Variants in ASAP1 observed in about 807,000 individuals in gnomAD.
ASAP1 encodes arf-GAP with SH3 domain, ANK repeat and PH domain-containing protein 1.
Under a neutral mutation model 145.2 loss-of-function variants are expected in ASAP1, and 43 were observed. The observed-to-expected ratio is 0.30, with a 90% CI of 0.23 to 0.38. ASAP1 has a LOEUF of 0.38. ASAP1 is among the 10% of genes least tolerant of loss of function. The pLI, the probability that ASAP1 is intolerant of heterozygous loss-of-function variation, is 1.00. For missense variants in ASAP1, 1,018 were observed against 1,355.3 expected (o/e 0.75, Z 3.91); for synonymous variants, 546 against 515.5 (o/e 1.06, Z -0.80).
intron 11 of ASAP1, among the ~76,000 whole-genome samples, chr8:130,166,983 C>T (rs946274401): frequency 6.6e-6 from 1 of 152,160 alleles, no homozygotes; most frequent in Admixed American, 6.5e-5. Flanking sequence ...TCCTGAAGTG[C>T]ATGTCCTCAA....
intron 2 of ASAP1, among the ~76,000 whole-genome samples, chr8:130,376,818 G>A (rs983790123): frequency 5.7e-5 from 8 of 140,758 alleles, no homozygotes; most frequent in Non-Finnish European, 9.1e-5. Flanking sequence ...CAGGAGAATC[G>A]TTTGAAGCCG....
At chr8:130,202,019 G>C (rs985364079) in intron 5 of ASAP1, among the ~76,000 whole-genome samples, 19 of 152,148 alleles carry the variant, frequency 1.2e-4, no homozygotes, top group Non-Finnish European at 2.2e-4. Context: ...TCTCATAGTA[G>C]ACATTATTGT....
intron 4 of ASAP1, among the ~76,000 whole-genome samples, chr8:130,234,516 A>G (rs572040701): frequency 6.6e-6 from 1 of 152,268 alleles, no homozygotes; most frequent in African/African-American, 2.4e-5. Context: ...ACATCCATAC[A>G]GGAACAATCT....
At chr8:130,428,429 A>ACCACTG (rs1830009973) in intron 1 of ASAP1, among the ~76,000 whole-genome samples, 1 of 139,904 alleles carries the variant, frequency 7.1e-6, no homozygotes, top group Admixed American at 7.2e-5. Context: ...CACCATCATC[A>ACCACTG]TCATCACCAC....
intron 4 of ASAP1, among the ~76,000 whole-genome samples, chr8:130,231,038 CA>C: frequency 6.6e-6 from 1 of 152,244 alleles, no homozygotes; most frequent in East Asian, 1.9e-4. Flanking sequence ...TGTTTGGTTA[CA>C]AAAACATTTG....
chr8:130,422,851 C>T (rs1829775365), intron 1 of ASAP1, among the ~76,000 whole-genome samples: 1 of 152,220 alleles, frequency 6.6e-6, no homozygotes, highest in Non-Finnish European at 1.5e-5. Flanking sequence ...CAGTTTCCTC[C>T]ACTGCTGCCT....
chr8:130,307,686 G>T (rs188777498), intron 3 of ASAP1, among the ~76,000 whole-genome samples: 119 of 152,314 alleles, frequency 7.8e-4, no homozygotes, highest in Non-Finnish European at 1.4e-3. Context: ...GCTTGGTGAG[G>T]TAGGAGTAAC....
At chr8:130,379,237 C>G (rs1827650150) in intron 2 of ASAP1, among the ~76,000 whole-genome samples, 3 of 152,170 alleles carry the variant, frequency 2.0e-5, no homozygotes, top group Non-Finnish European at 4.4e-5. Context: ...GACTGTACCA[C>G]CGCCCCCTCC....
chr8:130,296,893 T>C (rs942641798), intron 3 of ASAP1, among the ~76,000 whole-genome samples: 3 of 152,202 alleles, frequency 2.0e-5, no homozygotes, highest in Non-Finnish European at 2.9e-5. Context: ...GGGGTTCTTA[T>C]TTACTTTTTC....
intron 27 of ASAP1, among the ~76,000 whole-genome samples, chr8:130,069,913 C>A (rs866880003): frequency 6.6e-6 from 1 of 152,080 alleles, no homozygotes; most frequent in Non-Finnish European, 1.5e-5. Flanking sequence ...AAGCTTTTTG[C>A]GCAAGAGAGA....
chr8:130,420,727 C>G (rs553516694), intron 1 of ASAP1, among the ~76,000 whole-genome samples: 24 of 152,102 alleles, frequency 1.6e-4, no homozygotes, highest in Middle Eastern at 3.4e-3. Flanking sequence ...AACCCCATCT[C>G]TACTAAAAAT....
At chr8:130,168,229 A>C (rs532740495) in intron 10 of ASAP1, among the ~76,000 whole-genome samples, 11 of 152,326 alleles carry the variant, frequency 7.2e-5, no homozygotes, top group Non-Finnish European at 2.9e-5. Flanking sequence ...ATACGCTTTT[A>C]TTTACCCCCA....
chr8:130,299,924 C>T (rs1296011169), intron 3 of ASAP1, among the ~76,000 whole-genome samples: 5 of 151,958 alleles, frequency 3.3e-5, no homozygotes, highest in Non-Finnish European at 5.9e-5. Flanking sequence ...TACAAATCTT[C>T]GTGGTGGACT....
intron 20 of ASAP1, 148 bp from the exon 21 acceptor site, chr8:130,117,143 T>G: frequency 1.7e-6 from 1 of 596,586 alleles, no homozygotes. Context: ...TAACCTAGAT[T>G]TATAAGCAAT....
intron 15 of ASAP1, among the ~76,000 whole-genome samples, chr8:130,129,349 A>T (rs1218829579): frequency 6.6e-6 from 1 of 152,254 alleles, no homozygotes; most frequent in Non-Finnish European, 1.5e-5. Context: ...TTTCACAAAT[A>T]CGTCAATAGT....
intron 3 of ASAP1, among the ~76,000 whole-genome samples, chr8:130,298,745 C>G (rs947040606): frequency 2.6e-5 from 4 of 152,208 alleles, no homozygotes; most frequent in Non-Finnish European, 5.9e-5. Flanking sequence ...CCTCTGATCT[C>G]AGTTGAGGTG....
chr8:130,431,958 G>C (rs1262696974), intron 1 of ASAP1, among the ~76,000 whole-genome samples: 1 of 128,554 alleles, frequency 7.8e-6, no homozygotes, highest in Non-Finnish European at 1.7e-5. Context: ...GGAGGAAGGA[G>C]GAGGAGGGGG....
chr8:130,443,394 GGC>G, intron 1 of ASAP1, 64 bp downstream of exon 1: 1 of 151,114 alleles, frequency 6.6e-6, no homozygotes, highest in Non-Finnish European at 1.5e-5. Context: ...CTGGGCAGGG[GGC>G]GCCCGCGACT....
chr8:130,195,162 T>A (rs1405022065), intron 5 of ASAP1: 2 of 152,184 alleles, frequency 1.3e-5, no homozygotes, highest in Non-Finnish European at 2.9e-5. Flanking sequence ...GTTCTTTACA[T>A]GATTCAAGTC....
Sources: gnomAD v4.1 joint callset for allele counts (sites outside exome capture counted in the v4.1 genomes callset) on GRCh38, gnomAD v4.1.1 for gene constraint, MANE v1.5 for transcripts, NCBI Gene and HGNC (gene_info 2026-07-23, HGNC 2026-07-21) for gene names.